Variants in EPB41L1 observed in about 807,000 individuals in gnomAD.
EPB41L1 encodes erythrocyte membrane protein band 4.1 like 1.
Under a neutral mutation model 97.8 loss-of-function variants are expected in EPB41L1, and 29 were observed. The observed-to-expected ratio is 0.30, with a 90% CI of 0.22 to 0.40. EPB41L1 has a LOEUF of 0.40. EPB41L1 is among the 10% of genes least tolerant of loss of function. The pLI is 1.00. For synonymous variants in EPB41L1, 383 were observed against 459.2 expected (o/e 0.83, Z 2.12); for missense variants, 812 against 1,162.3 (o/e 0.70, Z 4.38).
intron 14 of EPB41L1, among the ~76,000 whole-genome samples, chr20:36,198,899 G>A (rs1211010908): frequency 6.6e-6 from 1 of 152,106 alleles, no homozygotes; most frequent in Non-Finnish European, 1.5e-5. Context: ...TCTGAGGCTC[G>A]TTGGGTAGAG....
chr20:36,141,079 T>G (rs2032754282), intron 2 of EPB41L1, among the ~76,000 whole-genome samples: 1 of 152,166 alleles, frequency 6.6e-6, no homozygotes, highest in African/African-American at 2.4e-5. Flanking sequence ...GGAGGGTCTT[T>G]GTAGAATATG....
intron 2 of EPB41L1, chr20:36,125,676 C>T (rs531451159): frequency 2.5e-5 from 30 of 1,181,438 alleles, no homozygotes; most frequent in Non-Finnish European, 3.3e-5. Context: ...CAGGTGGGTC[C>T]AGCTCCTGCA....
In EPB41L1 at chr20:36,165,424, T is replaced by C. The variant is rs930161031; in HGVS notation, c.-14-8340T>C. Among the ~76,000 whole-genome samples, 19 of 150,948 alleles carry C rather than the reference T, an allele frequency of 1.3e-4. No individual in the cohort carries two copies. The East Asian group carries it at 3.8e-3, about 30-fold the overall frequency. On this transcript the variant is annotated intron_variant, in intron 1 of 21. Coordinates refer to ENST00000338074, the MANE Select transcript of EPB41L1 (RefSeq NM_012156.2). ...TGCTCAGAAAGAGGAAGTGGCTGGG[T>C]GTGGTGGCTCACGCCTGTAATCCCA...
intron 1 of EPB41L1, among the ~76,000 whole-genome samples, chr20:36,095,769 C>T (rs1197850426): frequency 6.6e-6 from 1 of 152,162 alleles, no homozygotes; most frequent in Non-Finnish European, 1.5e-5. Context: ...ATTGGCAGGG[C>T]GTGGTGGCTC....
chr20:36,211,380 C>CA (rs2063121782), intron 15 of EPB41L1, among the ~76,000 whole-genome samples: 1 of 151,844 alleles, frequency 6.6e-6, no homozygotes, highest in African/African-American at 2.4e-5. Context: ...GATTCCATCT[C>CA]AAAAAACAAA....
intron 2 of EPB41L1, chr20:36,125,307 G>A (rs913922587): frequency 1.6e-6 from 1 of 642,130 alleles, no homozygotes; most frequent in East Asian, 2.8e-5. Context: ...GTGGAGGATA[G>A]GGGTGACCTA....
chr20:36,134,912 T>C (rs1349503560), intron 2 of EPB41L1, among the ~76,000 whole-genome samples: 5 of 143,704 alleles, frequency 3.5e-5, no homozygotes. Context: ...CAGGCTAGAG[T>C]GCAGTGGCTT....
intron 11 of EPB41L1, among the ~76,000 whole-genome samples, chr20:36,191,561 G>A (rs1373193374): frequency 6.6e-6 from 1 of 152,032 alleles, no homozygotes; most frequent in Non-Finnish European, 1.5e-5. Context: ...CACCCTTCAG[G>A]GCCCAAGTCT....
At chr20:36,169,221 C>CAAA (rs1351633399) in intron 1 of EPB41L1, among the ~76,000 whole-genome samples, 7 of 73,382 alleles carry the variant, frequency 9.5e-5, no homozygotes, top group Admixed American at 1.6e-4. Context: ...GACTCTGTCT[C>CAAA]AAAAAAAAAA....
chr20:36,207,158 G>A lies in EPB41L1; in HGVS notation c.1669-2330G>A. 7.8e-7 allele frequency: 1 copy of A among 1,289,290 alleles called. No homozygotes were observed. Among genetic ancestry groups the A allele is most frequent in the Non-Finnish European group, 1.0e-6 (1 of 988,430 alleles). The allele number at this position is 1,289,290 out of a possible 1,614,324, so 79.9% of individuals were successfully genotyped here. On this transcript the variant is annotated intron_variant, in intron 14 of 21. Coordinates refer to ENST00000338074, the MANE Select transcript of EPB41L1 (RefSeq NM_012156.2). This position sits in a 1 kb window ranked among gnomAD's most constrained non-coding sequence, Gnocchi z 4.9. ...GCTTCTCCAAGCCCAACCTCCCATG[G>A]GTCAGGGGAGCCTTCGGAGCTCAGG...
chr20:36,203,871 T>C (rs1318175256), intron 14 of EPB41L1, among the ~76,000 whole-genome samples: 1 of 152,242 alleles, frequency 6.6e-6, no homozygotes, highest in African/African-American at 2.4e-5. Context: ...AGAGGGTTTA[T>C]GATGCTCTCT....
At chr20:36,137,507 C>T (rs987254506) in intron 2 of EPB41L1, among the ~76,000 whole-genome samples, 1 of 152,024 alleles carries the variant, frequency 6.6e-6, no homozygotes, top group Admixed American at 6.6e-5. Context: ...AGGCATGAGT[C>T]ACCGCACCCA....
At chr20:36,215,160 A>T (rs73289656) in intron 17 of EPB41L1, among the ~76,000 whole-genome samples, 7,372 of 151,750 alleles carry the variant, frequency 0.049, 619 homozygotes, top group African/African-American at 0.17. Flanking sequence ...ATGCTCACAG[A>T]CACTGTGAGG....
chr20:36,153,224 A>G (rs1195535741), upstream of EPB41L1: 4 of 387,792 alleles, frequency 1.0e-5, no homozygotes, highest in Admixed American at 5.9e-5. Flanking sequence ...TAGAGTGCCT[A>G]TGAGGACCCA....
intron 2 of EPB41L1, chr20:36,148,821 GAC>G (rs1368383407): frequency 6.6e-6 from 1 of 152,388 alleles, no homozygotes; most frequent in South Asian, 2.1e-4. Flanking sequence ...TTTGAGAAAT[GAC>G]AGTCTTACTG....
Position 36,190,485 on chromosome 20 carries a change from C to A in EPB41L1, c.1124+111C>A. The A allele has an allele frequency of 6.6e-7, 1 of 1,519,582 alleles. No homozygotes were observed. The highest frequency in any genetic ancestry group is 2.3e-5 in the East Asian group (1 of 43,476). 94.1% of individuals were successfully genotyped at this position (1,519,582 alleles called of 1,614,324 possible). ...CTAGGAAAGTCCTCCACCCTTTCCC[C>A]AAGTCCCTCCCTTCCTGGACCACTT... is the stretch of plus-strand genomic sequence containing the variant. On this transcript the variant is annotated intron_variant, in intron 10 of 21. Coordinates refer to ENST00000338074, the MANE Select transcript of EPB41L1 (RefSeq NM_012156.2). This position sits in a 1 kb window ranked among gnomAD's most constrained non-coding sequence, Gnocchi z 5.8.
rs369355165 is a variant in EPB41L1 at position 36,123,514 on chromosome 20, C to T, written c.-10+11034C>T. The stretch of plus-strand genomic sequence containing the variant: ...AGAGTGCAGTGGCGCAATCTTGGCT[C>T]GCTGCAACCTCCGCCTCCTGGGTTC... On this transcript the variant is annotated intron_variant, in intron 2 of 19. Transcript: ENST00000202028. Among the ~76,000 whole-genome samples, 9 of 152,132 alleles carry T rather than the reference C, an allele frequency of 5.9e-5. No homozygotes were observed. The East Asian group carries it at 1.3e-3, about 23-fold the overall frequency.
rs754812695 is a variant in EPB41L1, at chr20:36,212,381, C to T, written c.2184+5C>T. The T allele has an allele frequency of 6.2e-7, 1 of 1,613,446 alleles. No individual in the cohort carries two copies. The highest frequency in any genetic ancestry group is 8.5e-7 in the Non-Finnish European group (1 of 1,179,388). On this transcript the variant is annotated splice_donor_5th_base_variant and intron_variant, in intron 16 of 21. Transcript: ENST00000338074. This position sits in a 1 kb window ranked among gnomAD's most constrained non-coding sequence, Gnocchi z 4.8. ...TCCGCTATGGATAACACCCAGGTAA[C>T]TTGTGCCTTCCAATGTACCCTAAGC...
At chr20:36,099,963 G>A (rs2057957720) in intron 1 of EPB41L1, among the ~76,000 whole-genome samples, 1 of 152,234 alleles carries the variant, frequency 6.6e-6, no homozygotes, top group Non-Finnish European at 1.5e-5. Flanking sequence ...GGCTCTGAGT[G>A]AGCAGGCTGA....
Sources: allele counts gnomAD v4.1 joint callset (sites outside exome capture counted in the v4.1 genomes callset), GRCh38; gene constraint gnomAD v4.1.1; non-coding constraint Gnocchi (gnomAD v3.1); transcripts MANE v1.5; gene names NCBI Gene and HGNC (gene_info 2026-07-23, HGNC 2026-07-21).